Variants in NCAPH2 observed in about 807,000 individuals in gnomAD.
NCAPH2 encodes non-SMC condensin II complex subunit H2, also known as condensin-2 complex subunit H2.
A neutral mutation model predicts 88.6 loss-of-function variants in NCAPH2; 56 were observed. The observed-to-expected ratio is 0.63, with a 90% CI of 0.51 to 0.79. The LOEUF is 0.79. Ranked by LOEUF, NCAPH2 falls within the 30% of genes least tolerant of loss-of-function variation. The pLI is 0.00. For synonymous variants in NCAPH2, 378 were observed against 313.6 expected, an observed-to-expected ratio of 1.21 and a Z score of -2.17; for missense variants, 794 against 792.0, an observed-to-expected ratio of 1.00 and a Z score of -0.03.
rs2148671020 is a variant in NCAPH2, at chr22:50,523,790, A to C, written c.*415A>C. 1.2e-6 allele frequency: 2 copies of C among 1,614,116 alleles called. No homozygotes were observed. Among genetic ancestry groups the C allele is most frequent in the Non-Finnish European group, 1.7e-6 (2 of 1,180,012 alleles). ...TCATCCTTGGGGCCTGCATTGTAGT[A>C]CACGCGGTAACTGTGACTAGCCTGG... On this transcript the variant is annotated 3_prime_UTR_variant, in exon 20 of 20. Transcript: ENST00000420993.
intron 1 of NCAPH2, 129 bp from the exon 2 acceptor site, chr22:50,516,318 C>A: frequency 1.3e-6 from 1 of 751,034 alleles, no homozygotes; most frequent in South Asian, 1.7e-5. Context: ...CCGGTGAGCC[C>A]ACAGCATAGC....
chr22:50,519,132 T>C lies in NCAPH2; in HGVS notation c.731-58T>C, dbSNP rs1372523032. 16 of 1,466,090 alleles carry C rather than the reference T, an allele frequency of 1.1e-5. No homozygotes were observed. The Admixed American group carries it at 3.3e-4, about 30-fold the overall frequency. The allele number at this position is 1,466,090 out of a possible 1,614,324, so 90.8% of individuals were successfully genotyped here. On this transcript the variant is annotated intron_variant, in intron 8 of 19. Transcript: ENST00000420993. The stretch of plus-strand genomic sequence containing the variant: ...GAGGAAGTAGCCATCAGGGTCCCTT[T>C]GGTGCCGTCTGGTCTCGGCACTCCT...
chr22:50,508,363 C>G lies in NCAPH2; in HGVS notation c.26C>G (p.Ala9Gly). Residue 9 changes from alanine (A) to glycine (G), a missense_variant, in exon 1 of 20, where the codon GCC becomes GGC. Physicochemically the swap from Ala to Gly is moderately conservative, Grantham distance 60. Transcript: ENST00000420993. Reference protein sequence around the residue: MEDVEARFAHLLQPIRDLT... With the variant: MEDVEARFGHLLQPIRDLT... Reference sequence around the variant, plus strand: ...ATGGAGGACGTGGAGGCGCGCTTCGCCCACCTCTTGCAGCCCATCCGCGAC... The same window carrying G: ...ATGGAGGACGTGGAGGCGCGCTTCGGCCACCTCTTGCAGCCCATCCGCGAC... The G allele has an allele frequency of 6.7e-7, 1 of 1,483,104 alleles. No homozygotes were observed. The highest frequency in any genetic ancestry group is 1.3e-5 in the South Asian group (1 of 75,694). The allele number at this position is 1,483,104 out of a possible 1,614,324, so 91.9% of individuals were successfully genotyped here.
intron 1 of NCAPH2, among the ~76,000 whole-genome samples, chr22:50,511,087 C>G (rs1348251409): frequency 6.6e-6 from 1 of 151,224 alleles, no homozygotes; most frequent in Admixed American, 6.6e-5. Flanking sequence ...ACCTGGTGAT[C>G]CGCCCGTGTC....
At chr22:50,518,095 G>C in intron 6 of NCAPH2, 38 bp from the exon 7 acceptor site, 1 of 1,613,610 alleles carries the variant, frequency 6.2e-7, no homozygotes, top group Non-Finnish European at 8.5e-7. Context: ...GCCTGCCTGG[G>C]AAGGGTCTCT....
rs1345472396 is a variant in NCAPH2 at position 50,524,055 on chromosome 22, G to A, written c.*680G>A. On this transcript the variant is annotated 3_prime_UTR_variant, in exon 20 of 20. Transcript: ENST00000420993. ...AGTACATCAGCACCCACTGGCCCCG[G>A]AAGTCAGCCTTGCAGCGAGCCCGGC... The A allele has an allele frequency of 1.2e-6, 2 of 1,613,282 alleles. No homozygotes were observed. Among genetic ancestry groups the A allele is most frequent in the Admixed American group, 3.3e-5 (2 of 59,998 alleles).
rs1136709 is a variant in NCAPH2 at position 50,521,556 on chromosome 22, C to T, written c.947C>T (p.Pro316Leu). ...CTCTGTGCCCAGGAGACTCCAGACC[C>T]CTGGCAGAGCCTGGACCCCTTTGAC... ...PASCVKETPD[P>L]WQSLDPFDSL... Residue 316 changes from proline to leucine, a missense_variant, in exon 11 of 20, where the codon CCC becomes CTC. Physicochemically the swap from Pro to Leu is moderately conservative, Grantham distance 98. This residue lies in a region of NCAPH2 where 735 missense variants were observed against 696.3 expected (regional missense o/e 1.06). Transcript: ENST00000420993. 1 of 1,613,582 alleles carries T rather than the reference C, an allele frequency of 6.2e-7. No individual in the cohort carries two copies. Among genetic ancestry groups the T allele is most frequent in the South Asian group, 1.1e-5 (1 of 91,086 alleles).
rs749407343 is a variant in NCAPH2, at chr22:50,518,214, G to A, written c.582G>A (p.Leu194=). 2.3e-5 allele frequency: 37 copies of A among 1,613,896 alleles called. No individual in the cohort carries two copies. The Admixed American group carries it at 3.7e-4, about 16-fold the overall frequency. ...CCCACCCCAGAGGGGCCTTCATGTT[G>A]GAGCCAGAGGGCATGTCCCCCATGG... ...CVPHPRGAFM[L]EPEGMSPMEP... Residue 194 remains leucine, a synonymous_variant, in exon 7 of 20, where the codon TTG becomes TTA. Transcript: ENST00000420993.
intron 3 of NCAPH2, 22 bp downstream of exon 3, chr22:50,517,504 T>G: frequency 6.2e-7 from 1 of 1,613,980 alleles, no homozygotes; most frequent in Non-Finnish European, 8.5e-7. Flanking sequence ...AGCCACTCAC[T>G]GTGCTGCCCT....
chr22:50,516,213 T>G (rs1371026150), intron 1 of NCAPH2, among the ~76,000 whole-genome samples: 1 of 152,158 alleles, frequency 6.6e-6, no homozygotes, highest in African/African-American at 2.4e-5. Context: ...GTAGACAGTG[T>G]GCCCTGGGGG....
At position 50,521,763 on chromosome 22, in the gene NCAPH2, CTG is replaced by C; in HGVS notation, c.1028_1029del (p.Val343GlyfsTer71). 1 of 1,613,838 alleles carries C rather than the reference CTG, an allele frequency of 6.2e-7. No homozygotes were observed. Among genetic ancestry groups the C allele is most frequent in the Non-Finnish European group, 8.5e-7 (1 of 1,179,926 alleles). ...CAGGTAGGCCTTACTCTGTGCCCCC[CTG>C]TGTGGAGGAGGCTCTGGGACAGAAG... is the stretch of plus-strand genomic sequence containing the variant. ...KKGRPYSVPP[C>X]VEEALGQKRK... On this transcript the variant is annotated frameshift_variant, in exon 12 of 20. Coordinates refer to ENST00000420993, the MANE Select transcript of NCAPH2 (RefSeq NM_152299.4). LOFTEE classifies it high-confidence loss of function.
rs1793054897 is a variant in NCAPH2, at chr22:50,521,020, C to T, written c.917C>T (p.Pro306Leu). Residue 306 changes from proline (P) to leucine (L), a missense_variant, in exon 10 of 20, where the codon CCT becomes CTT. Pro to Leu is a moderately conservative substitution (Grantham distance 98, BLOSUM62 -3). Transcript: ENST00000420993. ...MLREREGAPE[P>L]ASCVKETPDP... ...CGGGAGCGGGAGGGGGCCCCAGAGC[C>T]TGCATCCTGCGTGAAGGTAGGAGTG... 1 of 1,550,552 alleles carries T rather than the reference C, an allele frequency of 6.4e-7. No individual in the cohort carries two copies. The highest frequency in any genetic ancestry group is 1.2e-5 in the South Asian group (1 of 84,064).
rs150150677 is a variant in NCAPH2, at chr22:50,517,631, C to G, written c.321C>G (p.Ser107Arg). The change falls in exon 4 of 20, where the codon AGC (serine) becomes AGG (arginine). Residue 107 changes from serine (S) to arginine (R), a missense_variant. By Grantham distance (110) the Ser-to-Arg change is moderately radical (BLOSUM62 -1). Around this residue, in one of 2 missense-constraint regions of NCAPH2, gnomAD observed 735 missense variants for 696.3 expected, o/e 1.06. Coordinates refer to ENST00000420993, the MANE Select transcript of NCAPH2 (RefSeq NM_152299.4). ...AGGACAGGGCCAATGGGGTTGCCAG[C>G]TCCGGGGTCCCCCAGGAGGCAGAGA... is the stretch of plus-strand genomic sequence containing the variant. Reference protein sequence around the residue: ...VQEDRANGVASSGVPQEAENE... With the variant: ...VQEDRANGVARSGVPQEAENE... 2.5e-6 allele frequency: 4 copies of G among 1,614,036 alleles called. No individual in the cohort carries two copies. The African/African-American group carries it at 5.3e-5, about 22-fold the overall frequency.
In NCAPH2 at chr22:50,524,724, T is replaced by G; in HGVS notation, c.*1349T>G. ...GCTGACGGAAAGCATTCCAAGTGCA[T>G]GCCTTGCCTGAACTAACCACGTTAT... On this transcript the variant is annotated 3_prime_UTR_variant, in exon 20 of 20. Coordinates refer to ENST00000420993, the MANE Select transcript of NCAPH2 (RefSeq NM_152299.4). The G allele has an allele frequency of 1.7e-6, 1 of 595,406 alleles. No individual in the cohort carries two copies. Among genetic ancestry groups the G allele is most frequent in the Non-Finnish European group, 3.3e-6 (1 of 307,650 alleles). 36.9% of individuals were successfully genotyped at this position (595,406 alleles called of 1,614,324 possible). A position where few individuals can be genotyped will look rare whatever the true frequency, so the allele number is the denominator to read the frequency against.
intron 1 of NCAPH2, among the ~76,000 whole-genome samples, chr22:50,513,281 G>A (rs988069321): frequency 1.3e-5 from 2 of 152,042 alleles, no homozygotes; most frequent in East Asian, 1.9e-4. Flanking sequence ...CACTTTGGGG[G>A]GCCAAGGTGG....
In NCAPH2 at chr22:50,520,707, C is replaced by T. The variant is rs145012603; in HGVS notation, c.862-258C>T. 5.9e-3 allele frequency: 2,511 copies of T among 426,348 alleles called. 44 individuals carry two copies. Among genetic ancestry groups the T allele is most frequent in the African/African-American group, 0.044 (2,128 of 48,566 alleles). The allele number at this position is 426,348 out of a possible 1,614,324, so 26.4% of individuals were successfully genotyped here. ...CCGAGTAGGTGGGATTACAGGTGTG[C>T]GCCACCACACCCGGCTAATTTTTTT... On this transcript the variant is annotated intron_variant, in intron 9 of 19. Transcript: ENST00000420993.
chr22:50,521,163 C>T (rs1397116680), intron 10 of NCAPH2, 127 bp downstream of exon 10: 4 of 1,111,080 alleles, frequency 3.6e-6, no homozygotes, highest in Middle Eastern at 3.0e-4. Context: ...TTTGCACTTG[C>T]TCTCTTAAAG....
At chr22:50,521,226 G>A (rs2069080680) in intron 10 of NCAPH2, among the ~76,000 whole-genome samples, 190 bp downstream of exon 10, 1 of 152,202 alleles carries the variant, frequency 6.6e-6, no homozygotes, top group South Asian at 2.1e-4. Context: ...TCCCCTCTGT[G>A]ATCCAGGATT....
rs189560836 is a variant in NCAPH2, at chr22:50,517,353, C to T, written c.211-74C>T. The T allele has an allele frequency of 7.2e-4, 1,092 of 1,518,994 alleles. 1 individual carries two copies. The highest frequency in any genetic ancestry group is 2.0e-3 in the Admixed American group (122 of 59,854). The allele number at this position is 1,518,994 out of a possible 1,614,324, so 94.1% of individuals were successfully genotyped here. A position where few individuals can be genotyped will look rare whatever the true frequency, so the allele number is the denominator to read the frequency against. ...TGGTGGCCAGGCCTCGTGGGGGCAC[C>T]GATGGATAGCTGGGAAGGCCTTGGG... is the stretch of plus-strand genomic sequence containing the variant. On this transcript the variant is annotated intron_variant, in intron 2 of 19. Coordinates refer to ENST00000420993, the MANE Select transcript of NCAPH2 (RefSeq NM_152299.4).
Sources: gnomAD v4.1 joint callset for allele counts (sites outside exome capture counted in the v4.1 genomes callset) on GRCh38, gnomAD v4.1.1 for gene constraint, gnomAD v4.1.1 regional missense constraint, MANE v1.5 for transcripts, NCBI Gene and HGNC (gene_info 2026-07-23, HGNC 2026-07-21) for gene names.